Variants in CNTN4 observed in about 807,000 individuals in gnomAD.
CNTN4 encodes contactin 4, also known as contactin-4.
A neutral mutation model predicts 122.5 loss-of-function variants in CNTN4; 77 were observed. The observed-to-expected ratio is 0.63, with a 90% CI of 0.52 to 0.76. The LOEUF (loss-of-function observed/expected upper bound fraction) is 0.76. Among genes scored for constraint, CNTN4 ranks in the 30% least tolerant of loss-of-function variants. The probability of loss-of-function intolerance (pLI) is 0.00; values close to 1 mark genes in which losing one functional copy is unlikely to be tolerated. For synonymous variants in CNTN4, 512 were observed against 447.0 expected (o/e 1.15, Z -1.83); for missense variants, 1,256 against 1,259.1 (o/e 1.00, Z 0.04).
At chr3:2,450,225 G>C (rs1408512820) in intron 3 of CNTN4, among the ~76,000 whole-genome samples, 1 of 152,028 alleles carries the variant, frequency 6.6e-6, no homozygotes, top group Non-Finnish European at 1.5e-5. Flanking sequence ...AAATTAGCTG[G>C]TCATGCTGGC....
At chr3:2,121,030 T>A (rs1377876360) in intron 2 of CNTN4, among the ~76,000 whole-genome samples, 1 of 152,126 alleles carries the variant, frequency 6.6e-6, no homozygotes, top group African/African-American at 2.4e-5. Context: ...TGAAGCCACT[T>A]GAAAGTCTAG....
At chr3:2,917,178 G>A (rs995706677) in intron 12 of CNTN4, among the ~76,000 whole-genome samples, 18 of 150,144 alleles carry the variant, frequency 1.2e-4, no homozygotes, top group East Asian at 8.1e-4. Flanking sequence ...GCGCGCGCCT[G>A]CAATCGCAGG....
chr3:2,969,663 C>G (rs377295577), intron 13 of CNTN4, among the ~76,000 whole-genome samples: 2 of 152,192 alleles, frequency 1.3e-5, no homozygotes, highest in East Asian at 3.9e-4. Flanking sequence ...TATCACACAG[C>G]CTTTTATATA....
At chr3:2,116,871 G>T (rs2033391170) in intron 2 of CNTN4, among the ~76,000 whole-genome samples, 1 of 152,104 alleles carries the variant, frequency 6.6e-6, no homozygotes, top group African/African-American at 2.4e-5. Context: ...CTGGGGTTGG[G>T]GGTGGGTTCT....
chr3:2,783,909 A>G (rs1455696453), intron 6 of CNTN4, among the ~76,000 whole-genome samples: 1 of 152,198 alleles, frequency 6.6e-6, no homozygotes, highest in African/African-American at 2.4e-5. Context: ...TTCGTTTTCA[A>G]TTTACAATAT....
At chr3:2,298,528 G>T (rs1313061564) in intron 2 of CNTN4, among the ~76,000 whole-genome samples, 1 of 151,216 alleles carries the variant, frequency 6.6e-6, no homozygotes, top group African/African-American at 2.5e-5. Context: ...CCCGACTCTT[G>T]CCTCTTTCTT....
At chr3:2,313,101 A>G (rs1310130923) in intron 2 of CNTN4, among the ~76,000 whole-genome samples, 6 of 152,070 alleles carry the variant, frequency 3.9e-5, no homozygotes, top group Admixed American at 3.3e-4. Flanking sequence ...AAGTAAAATA[A>G]TTAAAAGATG....
At chr3:2,205,253 A>G (rs138742589) in intron 2 of CNTN4, among the ~76,000 whole-genome samples, 1 of 150,468 alleles carries the variant, frequency 6.6e-6, no homozygotes, top group East Asian at 1.9e-4. Context: ...ATTTCTAAAT[A>G]TCAATATTAT....
intron 4 of CNTN4, among the ~76,000 whole-genome samples, chr3:2,724,471 G>A (rs773296345): frequency 1.6e-4 from 24 of 152,150 alleles, no homozygotes; most frequent in Non-Finnish European, 3.1e-4. Flanking sequence ...CAAATTTAGT[G>A]GACCTGTTAG....
intron 3 of CNTN4, among the ~76,000 whole-genome samples, chr3:2,486,115 A>C (rs940633663): frequency 1.3e-5 from 2 of 152,024 alleles, no homozygotes; most frequent in African/African-American, 4.8e-5. Flanking sequence ...CACTGGGAGG[A>C]ACAACAACTC....
chr3:2,626,338 GA>G (rs538976633), intron 4 of CNTN4, among the ~76,000 whole-genome samples: 7 of 150,542 alleles, frequency 4.6e-5, no homozygotes, highest in East Asian at 1.9e-4. Flanking sequence ...CTAAAAATAC[GA>G]AAAAAAAATT....
intron 2 of CNTN4, among the ~76,000 whole-genome samples, chr3:2,161,384 A>T (rs576076616): frequency 1.3e-5 from 2 of 152,258 alleles, no homozygotes; most frequent in South Asian, 4.1e-4. Flanking sequence ...GTGCTTCATG[A>T]AGAACAAGTA....
At chr3:3,041,054 A>G (rs1029175624) in intron 20 of CNTN4, 2 of 152,202 alleles carry the variant, frequency 1.3e-5, no homozygotes, top group East Asian at 1.9e-4. Flanking sequence ...CCTCCATGCT[A>G]TCCCTGCTCT....
intron 6 of CNTN4, among the ~76,000 whole-genome samples, chr3:2,817,137 T>G (rs2092754479): frequency 6.6e-6 from 1 of 152,240 alleles, no homozygotes. Context: ...TACAGCTTGC[T>G]CTAGTGTGCG....
chr3:2,693,590 G>A (rs1271327169), intron 4 of CNTN4, among the ~76,000 whole-genome samples: 1 of 152,156 alleles, frequency 6.6e-6, no homozygotes, highest in East Asian at 1.9e-4. Context: ...GGACTCTCAG[G>A]AAAGGGTTTT....
At chr3:2,268,606 G>T (rs1332532212) in intron 2 of CNTN4, among the ~76,000 whole-genome samples, 1 of 151,772 alleles carries the variant, frequency 6.6e-6, no homozygotes, top group Non-Finnish European at 1.5e-5. Context: ...GATAGACTAG[G>T]TCCTAGTTAA....
intron 14 of CNTN4, among the ~76,000 whole-genome samples, chr3:2,993,794 A>G (rs1211792384): frequency 2.0e-5 from 3 of 152,142 alleles, no homozygotes; most frequent in Admixed American, 6.5e-5. Flanking sequence ...CTTTTCTTGT[A>G]CCCCTGCTGA....
At chr3:2,368,341 G>A (rs902333689) in intron 3 of CNTN4, among the ~76,000 whole-genome samples, 10 of 151,880 alleles carry the variant, frequency 6.6e-5, no homozygotes, top group Non-Finnish European at 1.3e-4. Context: ...CTCTTTTTTT[G>A]TTTTAACCTC....
intron 3 of CNTN4, among the ~76,000 whole-genome samples, chr3:2,501,632 T>G (rs933973041): frequency 3.9e-5 from 6 of 152,194 alleles, no homozygotes; most frequent in Admixed American, 2.6e-4. Flanking sequence ...TCATATTACC[T>G]TCTGTACCTG....
Sources: allele counts gnomAD v4.1 joint callset (sites outside exome capture counted in the v4.1 genomes callset), GRCh38; gene constraint gnomAD v4.1.1; transcripts MANE v1.5; gene names NCBI Gene and HGNC (gene_info 2026-07-23, HGNC 2026-07-21).